SLC22A25: variants seen among roughly 807,000 people sequenced by gnomAD.
The protein encoded by SLC22A25 is solute carrier family 22 member 25.
In SLC22A25, 44 loss-of-function variants were observed where a neutral mutation model predicts 45.9. That is an observed-to-expected ratio of 0.96 (90% CI 0.75 to 1.23). The LOEUF (loss-of-function observed/expected upper bound fraction) is 1.23. Among genes scored for constraint, SLC22A25 ranks in the 50% most tolerant of loss-of-function variants. SLC22A25 has a pLI of 0.00. For missense variants in SLC22A25, 800 were observed against 666.4 expected, an observed-to-expected ratio of 1.20 and a Z score of -2.21; for synonymous variants, 283 against 238.6, an observed-to-expected ratio of 1.19 and a Z score of -1.72.
chr11:63,224,948 A>C (rs537093620), intron 5 of SLC22A25, among the ~76,000 whole-genome samples: 2 of 152,130 alleles, frequency 1.3e-5, no homozygotes, highest in Non-Finnish European at 2.9e-5. Flanking sequence ...AAATACAAAA[A>C]ATTAGCCAGG....
At chr11:63,203,842 A>G (rs1590859417) in intron 7 of SLC22A25, among the ~76,000 whole-genome samples, 1 of 152,180 alleles carries the variant, frequency 6.6e-6, no homozygotes, top group South Asian at 2.1e-4. Flanking sequence ...GAGCAACCCC[A>G]AGACAGATAA....
chr11:63,200,035 C>T (rs2089189418), intron 7 of SLC22A25, among the ~76,000 whole-genome samples: 2 of 151,908 alleles, frequency 1.3e-5, no homozygotes, highest in South Asian at 4.2e-4. Context: ...CCAAAAAAAG[C>T]CCAGGACCTG....
chr11:63,185,621 C>T (rs556233971), intron 7 of SLC22A25, among the ~76,000 whole-genome samples: 4 of 148,604 alleles, frequency 2.7e-5, no homozygotes, highest in African/African-American at 1.0e-4. Context: ...TATACATGTG[C>T]CATGCTGGTG....
At chr11:63,189,100 T>G (rs1247652624) in intron 7 of SLC22A25, among the ~76,000 whole-genome samples, 1 of 152,184 alleles carries the variant, frequency 6.6e-6, no homozygotes. Context: ...TGTATATCCT[T>G]GTTAACTTTC....
rs144700615 is a variant in SLC22A25, at chr11:63,208,959, A to G, written c.830+8355T>C. ...AGGAAATGGGAGGGAAAGTGTCAAAACCAACTCCTTTGGAGTGCATGATAA... is the reference window on the plus strand; with the variant it reads ...AGGAAATGGGAGGGAAAGTGTCAAAGCCAACTCCTTTGGAGTGCATGATAA... On this transcript the variant is annotated intron_variant, in intron 7 of 11. Transcript: ENST00000306494. Among the ~76,000 whole-genome samples, 5 of 152,288 alleles carry G rather than the reference A, an allele frequency of 3.3e-5. No homozygotes were observed. In the East Asian group the frequency reaches 9.6e-4, roughly 29 times the overall value.
At chr11:63,228,425 T>C (rs1590909030) in intron 5 of SLC22A25, 36 bp downstream of exon 5, 3 of 1,434,144 alleles carry the variant, frequency 2.1e-6, no homozygotes, top group Non-Finnish European at 2.9e-6. Flanking sequence ...TTGATGAAAA[T>C]ACCCTTGAAG....
chr11:63,240,530 C>T (rs1328882306), intron 1 of SLC22A25, among the ~76,000 whole-genome samples: 1 of 152,056 alleles, frequency 6.6e-6, no homozygotes, highest in Non-Finnish European at 1.5e-5. Flanking sequence ...ACTTTATAAA[C>T]TTTTTAGTTT....
chr11:63,229,208 C>A (rs2090021272), intron 4 of SLC22A25, 43 bp downstream of exon 4: 1 of 1,472,550 alleles, frequency 6.8e-7, no homozygotes, highest in Non-Finnish European at 9.0e-7. Flanking sequence ...TTATTCTAAA[C>A]AGCCAGGTCA....
intron 7 of SLC22A25, among the ~76,000 whole-genome samples, chr11:63,213,145 G>T (rs1276867999): frequency 6.6e-6 from 1 of 152,170 alleles, no homozygotes; most frequent in African/African-American, 2.4e-5. Context: ...GGAATTTCTA[G>T]GTGTGGCAGG....
chr11:63,166,382 G>T, intron 9 of SLC22A25, 124 bp from the exon 10 acceptor site: 1 of 1,454,584 alleles, frequency 6.9e-7, no homozygotes, highest in Non-Finnish European at 9.1e-7. Flanking sequence ...GTGTTTTGTG[G>T]AATATTTTCT....
rs1420296431 is a variant in SLC22A25, at chr11:63,161,477, A to C, written c.*2347T>G. 1.3e-5 allele frequency among the ~76,000 whole-genome samples: 2 copies of C among 152,174 alleles called. No homozygotes were observed. The highest frequency in any genetic ancestry group is 2.9e-5 in the Non-Finnish European group (2 of 68,026). On this transcript the variant is annotated 3_prime_UTR_variant, in exon 12 of 12. Coordinates refer to ENST00000306494, the MANE Select transcript of SLC22A25 (RefSeq NM_199352.6). Reference sequence around the variant, plus strand: ...AATCTCATCTTGAATTGTAGCTCCCACAATTCCCACACATCATGGGAGGGA... The same window carrying C: ...AATCTCATCTTGAATTGTAGCTCCCCCAATTCCCACACATCATGGGAGGGA...
At chr11:63,216,537 G>C (rs996875812) in intron 7 of SLC22A25, among the ~76,000 whole-genome samples, 3 of 152,108 alleles carry the variant, frequency 2.0e-5, no homozygotes, top group Admixed American at 2.0e-4. Context: ...GGAATACTAT[G>C]CAGCCATAAA....
At chr11:63,239,657 C>A (rs972820571) in intron 1 of SLC22A25, among the ~76,000 whole-genome samples, 11 of 152,312 alleles carry the variant, frequency 7.2e-5, no homozygotes, top group African/African-American at 2.6e-4. Context: ...AGTCCTTCCC[C>A]TTTAACAGCT....
intron 10 of SLC22A25, among the ~76,000 whole-genome samples, chr11:63,165,412 C>T (rs2087646249): frequency 6.6e-6 from 1 of 152,110 alleles, no homozygotes; most frequent in Non-Finnish European, 1.5e-5. Context: ...CTTGGGTTCC[C>T]TTATTTATTG....
intron 2 of SLC22A25, among the ~76,000 whole-genome samples, chr11:63,238,317 G>A (rs960770590): frequency 3.9e-5 from 6 of 152,170 alleles, no homozygotes; most frequent in African/African-American, 1.4e-4. Flanking sequence ...AAAATTTAAT[G>A]ATTCGTGATT....
At chr11:63,165,038 T>A (rs908947831) in intron 10 of SLC22A25, among the ~76,000 whole-genome samples, 16 of 152,184 alleles carry the variant, frequency 1.1e-4, no homozygotes, top group Non-Finnish European at 2.1e-4. Flanking sequence ...TCATAGATTT[T>A]AAAACCCAGA....
chr11:63,217,905 T>C (rs953809198), intron 5 of SLC22A25, among the ~76,000 whole-genome samples, 170 bp from the exon 6 acceptor site: 4 of 152,226 alleles, frequency 2.6e-5, no homozygotes, highest in African/African-American at 9.6e-5. Context: ...AGAAGGAATG[T>C]TCTCTGTTTG....
At chr11:63,204,506 A>C (rs575686174) in intron 7 of SLC22A25, among the ~76,000 whole-genome samples, 25 of 152,350 alleles carry the variant, frequency 1.6e-4, no homozygotes, top group Middle Eastern at 3.4e-3. Context: ...TTGTAATCCC[A>C]GTCTCTGATA....
intron 7 of SLC22A25, among the ~76,000 whole-genome samples, chr11:63,193,846 C>T (rs1247925805): frequency 6.6e-6 from 1 of 152,056 alleles, no homozygotes; most frequent in Non-Finnish European, 1.5e-5. Flanking sequence ...TTCAGAAGAT[C>T]GGTAATAACA....
Sources: gnomAD v4.1 joint callset for allele counts (sites outside exome capture counted in the v4.1 genomes callset) on GRCh38, gnomAD v4.1.1 for gene constraint, MANE v1.5 for transcripts, NCBI Gene and HGNC (gene_info 2026-07-23, HGNC 2026-07-21) for gene names.